Variants in ASIC2 observed in about 807,000 individuals in gnomAD.
ASIC2 encodes acid-sensing ion channel 2.
A neutral mutation model predicts 57.3 loss-of-function variants in ASIC2; 25 were observed. That is an observed-to-expected ratio of 0.44 (90% CI 0.32 to 0.61). The LOEUF is 0.61. Ranked by LOEUF, ASIC2 falls within the 20% of genes least tolerant of loss-of-function variation. The pLI is 0.06. For missense variants in ASIC2, 641 were observed against 738.1 expected, an observed-to-expected ratio of 0.87 and a Z score of 1.52; for synonymous variants, 319 against 307.5, an observed-to-expected ratio of 1.04 and a Z score of -0.39.
chr17:33,665,809 A>G (rs1004730523), intron 1 of ASIC2, among the ~76,000 whole-genome samples: 2 of 152,110 alleles, frequency 1.3e-5, no homozygotes, highest in African/African-American at 2.4e-5. Flanking sequence ...AGGTTGGGAG[A>G]GGGAGTATCT....
At chr17:33,923,720 T>C (rs1047355681) in intron 1 of ASIC2, among the ~76,000 whole-genome samples, 3 of 152,136 alleles carry the variant, frequency 2.0e-5, no homozygotes, top group African/African-American at 7.2e-5. Flanking sequence ...TGGAAAGTGT[T>C]TGATATGTCA....
rs139749405 is a variant in ASIC2 at position 33,164,511 on chromosome 17, C to T, written c.709-52444G>A. 4.8e-3 allele frequency among the ~76,000 whole-genome samples: 722 copies of T among 151,898 alleles called. 2 individuals carry two copies. The highest frequency in any genetic ancestry group is 6.9e-3 in the Non-Finnish European group (469 of 67,966). On this transcript the variant is annotated intron_variant, in intron 1 of 9. Coordinates refer to ENST00000225823, the MANE Select transcript of ASIC2 (RefSeq NM_183377.2). ...CTCAAACCTCAGGCAGGAATGGAGG[C>T]GGCATTGGAGGGGTAGAGAGCTCAC...
chr17:33,582,399 C>T (rs1338171526), intron 1 of ASIC2, among the ~76,000 whole-genome samples: 2 of 152,154 alleles, frequency 1.3e-5, no homozygotes, highest in African/African-American at 4.8e-5. Context: ...GCTGCAGATT[C>T]CAGGATGTGT....
At chr17:33,231,441 G>A (rs970537875) in intron 1 of ASIC2, among the ~76,000 whole-genome samples, 1 of 152,166 alleles carries the variant, frequency 6.6e-6, no homozygotes, top group Non-Finnish European at 1.5e-5. Context: ...ATGGGGGCCG[G>A]AATGGGGCCC....
chr17:33,735,954 T>G (rs532109373), intron 1 of ASIC2, among the ~76,000 whole-genome samples: 1 of 152,222 alleles, frequency 6.6e-6, no homozygotes, highest in South Asian at 2.1e-4. Context: ...AGTGAATAAA[T>G]AAATGAACGG....
At chr17:33,151,548 A>G (rs897937861) in intron 1 of ASIC2, among the ~76,000 whole-genome samples, 1 of 152,168 alleles carries the variant, frequency 6.6e-6, no homozygotes, top group Non-Finnish European at 1.5e-5. Flanking sequence ...TTAATCCCCA[A>G]TGCAACAGTG....
chr17:33,903,814 G>A (rs1457865789), intron 1 of ASIC2, among the ~76,000 whole-genome samples: 1 of 152,162 alleles, frequency 6.6e-6, no homozygotes, highest in African/African-American at 2.4e-5. Context: ...GCTTCCTCTT[G>A]CCCAAGGTTA....
At chr17:34,086,402 G>A (rs1288174370) in intron 1 of ASIC2, among the ~76,000 whole-genome samples, 8 of 152,316 alleles carry the variant, frequency 5.3e-5, no homozygotes, top group Admixed American at 1.3e-4. Flanking sequence ...TGGTCTGAGA[G>A]ATAGTTTGTT....
At chr17:33,532,476 C>T (rs1468703170) in intron 1 of ASIC2, among the ~76,000 whole-genome samples, 1 of 152,230 alleles carries the variant, frequency 6.6e-6, no homozygotes. Flanking sequence ...TGATGGGCCA[C>T]TAGAAGATCT....
At position 33,816,286 on chromosome 17, in the gene ASIC2, G is replaced by A. The variant is rs1043136777; in HGVS notation, c.555+339692C>T. Reference sequence around the variant, plus strand: ...TCTCATTCTTAATGTTCCAAAATGCGGAGGTGAAGATGAATGGAGGGAAAA... The same window carrying A: ...TCTCATTCTTAATGTTCCAAAATGCAGAGGTGAAGATGAATGGAGGGAAAA... On this transcript the variant is annotated intron_variant, in intron 1 of 9. Coordinates refer to the ASIC2 transcript ENST00000359872. Among the ~76,000 whole-genome samples the A allele has an allele frequency of 7.2e-5, 11 of 152,218 alleles. No individual in the cohort carries two copies. In the South Asian group the frequency reaches 1.9e-3, roughly 26 times the overall value.
intron 1 of ASIC2, among the ~76,000 whole-genome samples, chr17:33,924,684 G>A (rs1019303785): frequency 4.6e-5 from 7 of 152,006 alleles, no homozygotes; most frequent in Non-Finnish European, 7.4e-5. Flanking sequence ...GATTTAATCC[G>A]GGCATTGTGG....
chr17:33,254,767 C>G (rs1909000504), intron 1 of ASIC2, among the ~76,000 whole-genome samples: 1 of 152,110 alleles, frequency 6.6e-6, no homozygotes, highest in Non-Finnish European at 1.5e-5. Flanking sequence ...ATAATGCTTA[C>G]ATTGTAATAG....
chr17:33,227,112 A>C (rs1235415648), intron 1 of ASIC2, among the ~76,000 whole-genome samples: 1 of 152,230 alleles, frequency 6.6e-6, no homozygotes, highest in Non-Finnish European at 1.5e-5. Context: ...GTAGCCACAC[A>C]TGGCCAGTGG....
chr17:34,155,711 A>G (rs902295065), intron 1 of ASIC2: 3 of 455,208 alleles, frequency 6.6e-6, no homozygotes, highest in Non-Finnish European at 1.2e-5. Context: ...GAGGAAGCCA[A>G]CTGAGCACGT....
At chr17:33,802,118 T>A (rs1912149257) in intron 1 of ASIC2, among the ~76,000 whole-genome samples, 1 of 152,266 alleles carries the variant, frequency 6.6e-6, no homozygotes, top group South Asian at 2.1e-4. Flanking sequence ...AATGACAGAC[T>A]GCATATACGA....
chr17:33,587,884 C>G (rs1208054229), intron 1 of ASIC2, among the ~76,000 whole-genome samples: 1 of 152,144 alleles, frequency 6.6e-6, no homozygotes. Context: ...CATTTTCCTC[C>G]CACTCGCTCC....
intron 1 of ASIC2, among the ~76,000 whole-genome samples, chr17:33,241,358 G>A (rs8071923): frequency 0.014 from 2,184 of 152,312 alleles, 53 homozygotes; most frequent in African/African-American, 0.049. Flanking sequence ...TTTCATTCAC[G>A]TGGTGGGAGT....
At chr17:34,039,506 G>C in intron 1 of ASIC2, 2 of 1,613,778 alleles carry the variant, frequency 1.2e-6, no homozygotes, top group East Asian at 4.5e-5. Context: ...TGTTCTACTC[G>C]TCGCGGTAAG....
At chr17:34,145,114 G>A (rs1320925794) in intron 1 of ASIC2, among the ~76,000 whole-genome samples, 1 of 152,048 alleles carries the variant, frequency 6.6e-6, no homozygotes, top group African/African-American at 2.4e-5. Context: ...CACACTTTAG[G>A]ATGCCCAGGT....
Sources: allele counts gnomAD v4.1 joint callset (sites outside exome capture counted in the v4.1 genomes callset), GRCh38; gene constraint gnomAD v4.1.1; transcripts MANE v1.5; gene names NCBI Gene and HGNC (gene_info 2026-07-23, HGNC 2026-07-21).